CEP295: variants seen among roughly 807,000 people sequenced by gnomAD.
The protein encoded by CEP295 is centrosomal protein 295.
CEP295 carries 190 observed loss-of-function variants against 291.6 expected under a neutral mutation model. The observed-to-expected ratio is 0.65, with a 90% confidence interval of 0.58 to 0.73. The LOEUF is 0.73. Ranked by LOEUF, CEP295 falls within the 30% of genes least tolerant of loss-of-function variation. CEP295 has a pLI of 0.00. For synonymous variants in CEP295, 993 were observed against 1,038.8 expected, an observed-to-expected ratio of 0.96 and a Z score of 0.85; for missense variants, 2,863 against 2,949.4, an observed-to-expected ratio of 0.97 and a Z score of 0.68.
chr11:93,723,359 T>A (rs1953893943), intron 21 of CEP295, 70 bp downstream of exon 21: 1 of 1,128,996 alleles, frequency 8.9e-7, no homozygotes, highest in African/African-American at 1.6e-5. Flanking sequence ...TCATTTTAAA[T>A]TTTATGCAGT....
chr11:93,677,175 T>A (rs1950735486), intron 6 of CEP295, among the ~76,000 whole-genome samples: 1 of 152,144 alleles, frequency 6.6e-6, no homozygotes, highest in East Asian at 1.9e-4. Context: ...TGAATTTTCA[T>A]CTGCACTCAA....
chr11:93,675,346 AGT>A (rs1028120828), intron 5 of CEP295, among the ~76,000 whole-genome samples: 1 of 152,168 alleles, frequency 6.6e-6, no homozygotes, highest in Non-Finnish European at 1.5e-5. Context: ...AAACACATTT[AGT>A]TAGCGACACC....
intron 17 of CEP295, among the ~76,000 whole-genome samples, chr11:93,704,803 G>C (rs1952414538): frequency 6.6e-6 from 1 of 152,066 alleles, no homozygotes; most frequent in Non-Finnish European, 1.5e-5. Flanking sequence ...AGCGCTGAAA[G>C]GTATAACATA....
chr11:93,662,672 T>C (rs1182636847), intron 1 of CEP295, among the ~76,000 whole-genome samples: 1 of 152,224 alleles, frequency 6.6e-6, no homozygotes, highest in African/African-American at 2.4e-5. Flanking sequence ...GAAGGAATAA[T>C]GGAAATAGAA....
chr11:93,701,748 C>T (rs1192119032), intron 15 of CEP295, among the ~76,000 whole-genome samples: 1 of 151,832 alleles, frequency 6.6e-6, no homozygotes, highest in Non-Finnish European at 1.5e-5. Context: ...GGATTACAGG[C>T]ATGCACCACC....
chr11:93,729,359 CTCTAA>C (rs1346052252), intron 25 of CEP295, 70 bp from the exon 26 acceptor site: 26 of 1,016,968 alleles, frequency 2.6e-5, no homozygotes, highest in African/African-American at 1.3e-4. Flanking sequence ...TGCCGCTGCA[CTCTAA>C]TCTGACAGCA....
At chr11:93,683,287 A>G (rs1951062888) in intron 7 of CEP295, among the ~76,000 whole-genome samples, 1 of 151,882 alleles carries the variant, frequency 6.6e-6, no homozygotes, top group South Asian at 2.1e-4. Context: ...AACCAGTACC[A>G]CTCTTTCATT....
chr11:93,727,515 TATTTTG>T lies in CEP295; in HGVS notation c.7041_7046del (p.Tyr2347_Glu2349delinsTer). 1 of 1,551,574 alleles carries T rather than the reference TATTTTG, an allele frequency of 6.4e-7. No homozygotes were observed. Among genetic ancestry groups the T allele is most frequent in the Non-Finnish European group, 8.7e-7 (1 of 1,146,822 alleles). The stretch of plus-strand genomic sequence containing the variant: ...TTCCTTAACTACTCAAAATGAAAAA[TATTTTG>T]AGAATTCAGCTGAAACAGACATTCC... On this transcript the variant is annotated stop_gained and inframe_deletion, in exon 24 of 30. Coordinates refer to ENST00000325212, the MANE Select transcript of CEP295 (RefSeq NM_033395.2). LOFTEE classifies it high-confidence loss of function.
chr11:93,718,751 A>C (rs1477154134), intron 18 of CEP295, among the ~76,000 whole-genome samples: 1 of 152,236 alleles, frequency 6.6e-6, no homozygotes, highest in Non-Finnish European at 1.5e-5. Flanking sequence ...AACTCACTAT[A>C]AAATTTCACC....
intron 18 of CEP295, among the ~76,000 whole-genome samples, chr11:93,710,309 C>T (rs1363123950): frequency 6.6e-6 from 1 of 152,026 alleles, no homozygotes; most frequent in Non-Finnish European, 1.5e-5. Flanking sequence ...CCTTCTGTAC[C>T]CAGTTTTTTA....
rs1008651113 is a variant in CEP295, at chr11:93,699,609, C to G, written c.4697C>G (p.Ser1566Cys). 2 of 1,551,704 alleles carry G rather than the reference C, an allele frequency of 1.3e-6. No homozygotes were observed. The highest frequency in any genetic ancestry group is 1.7e-6 in the Non-Finnish European group (2 of 1,147,090). Residue 1566 changes from serine to cysteine, a missense_variant, in exon 15 of 30, where the codon TCT becomes TGT. By Grantham distance (112) the Ser-to-Cys change is moderately radical. Around this residue, in one of 3 missense-constraint regions of CEP295, gnomAD observed 2,295 missense variants for 2,335.7 expected, o/e 0.98. Transcript: ENST00000325212. ...PVADSERTQK[S>C]FPTKSNDTLP... Reference sequence around the variant, plus strand: ...GCTGACTCTGAAAGAACCCAGAAGTCTTTCCCAACCAAAAGTAATGATACT... The same window carrying G: ...GCTGACTCTGAAAGAACCCAGAAGTGTTTCCCAACCAAAAGTAATGATACT...
intron 6 of CEP295, 126 bp downstream of exon 6, chr11:93,675,792 C>CA (rs35646565): frequency 0.96 from 516,622 of 536,598 alleles, 250,138 homozygotes; most frequent in Non-Finnish European, 0.99. Context: ...TAATAATAAT[C>CA]AAAACCTTTT....
At chr11:93,717,638 C>T (rs994406654) in intron 18 of CEP295, among the ~76,000 whole-genome samples, 2 of 152,258 alleles carry the variant, frequency 1.3e-5, no homozygotes, top group East Asian at 3.9e-4. Flanking sequence ...GCAGCAGTCA[C>T]TCCTATTAGC....
At position 93,723,385 on chromosome 11, in the gene CEP295, A is replaced by G. The variant is rs115568117; in HGVS notation, c.6196+96A>G. On this transcript the variant is annotated intron_variant, in intron 21 of 29. Transcript: ENST00000325212. ...TTTATGCAGTGATTGTTTGAGCTTCATGTTCTTATGGCCTGCTACAACACC... is the reference window on the plus strand; with the variant it reads ...TTTATGCAGTGATTGTTTGAGCTTCGTGTTCTTATGGCCTGCTACAACACC... 8.8e-4 allele frequency: 770 copies of G among 879,406 alleles called. 5 individuals carry two copies. The African/African-American group carries it at 0.012, about 14-fold the overall frequency. The allele number at this position is 879,406 out of a possible 1,614,324, so 54.5% of individuals were successfully genotyped here.
intron 18 of CEP295, among the ~76,000 whole-genome samples, chr11:93,718,880 G>T (rs1953466205): frequency 6.6e-6 from 1 of 152,176 alleles, no homozygotes; most frequent in Non-Finnish European, 1.5e-5. Flanking sequence ...GGAGGCCCAG[G>T]TGGGCGGATC....
At chr11:93,725,620 A>G in intron 22 of CEP295, 31 bp from the exon 23 acceptor site, 2 of 1,513,712 alleles carry the variant, frequency 1.3e-6, no homozygotes, top group Non-Finnish European at 1.8e-6. Context: ...CCTAATCAGT[A>G]TTTCAGCCTT....
intron 23 of CEP295, 29 bp downstream of exon 23, chr11:93,725,860 A>T: frequency 6.5e-7 from 1 of 1,529,214 alleles, no homozygotes; most frequent in African/African-American, 1.4e-5. Context: ...GAAAAAGTTA[A>T]TTTTTCCATG....
rs980754246 is a variant in CEP295, at chr11:93,698,562, T to C, written c.3650T>C (p.Phe1217Ser). The C allele has an allele frequency of 1.3e-6, 2 of 1,552,238 alleles. No individual in the cohort carries two copies. Among genetic ancestry groups the C allele is most frequent in the Non-Finnish European group, 8.7e-7 (1 of 1,147,106 alleles). The change falls in exon 15 of 30, where the codon TTC becomes TCC. Residue 1217 changes from phenylalanine to serine, a missense_variant. Phe to Ser is a radical substitution (Grantham distance 155). Around this residue, in one of 3 missense-constraint regions of CEP295, gnomAD observed 2,295 missense variants for 2,335.7 expected, o/e 0.98. Coordinates refer to ENST00000325212, the MANE Select transcript of CEP295 (RefSeq NM_033395.2). ...TCCCAGGTGGATGAATCTGAGAGATTCCAGGAATGTATATCAATCAAGAGT... is the reference window on the plus strand; with the variant it reads ...TCCCAGGTGGATGAATCTGAGAGATCCCAGGAATGTATATCAATCAAGAGT... ...SLSQVDESER[F>S]QECISIKSDS...
chr11:93,727,653 G>A lies in CEP295; in HGVS notation c.7161+16G>A. 1 of 1,493,018 alleles carries A rather than the reference G, an allele frequency of 6.7e-7. No homozygotes were observed. Among genetic ancestry groups the A allele is most frequent in the Non-Finnish European group, 8.9e-7 (1 of 1,122,702 alleles). The allele number at this position is 1,493,018 out of a possible 1,614,324, so 92.5% of individuals were successfully genotyped here. A position where few individuals can be genotyped will look rare whatever the true frequency, so the allele number is the denominator to read the frequency against. Reference sequence around the variant, plus strand: ...ACCAGTCTGGGTAAGTGAAATCAGTGTTGTATAAATAACATTTAAATTCCT... The same window carrying A: ...ACCAGTCTGGGTAAGTGAAATCAGTATTGTATAAATAACATTTAAATTCCT... On this transcript the variant is annotated intron_variant, in intron 24 of 29. Coordinates refer to ENST00000325212, the MANE Select transcript of CEP295 (RefSeq NM_033395.2).
Sources: allele counts gnomAD v4.1 joint callset (sites outside exome capture counted in the v4.1 genomes callset), GRCh38; gene constraint gnomAD v4.1.1; regional missense constraint gnomAD v4.1.1; transcripts MANE v1.5; gene names NCBI Gene and HGNC (gene_info 2026-07-23, HGNC 2026-07-21).